Variants in ZNF670 observed in about 807,000 individuals in gnomAD.
ZNF670 encodes the protein zinc finger protein 670.
ZNF670 carries 7 observed loss-of-function variants against 10.9 expected under a neutral mutation model. The ratio of observed to expected loss-of-function variants is 0.64; its 90% CI spans 0.36 to 1.20. The LOEUF is 1.20. ZNF670 is among the 50% of genes most tolerant of loss of function. ZNF670 has a pLI of 0.02. For missense variants in ZNF670, 446 were observed against 458.6 expected, an observed-to-expected ratio of 0.97 and a Z score of 0.25; for synonymous variants, 136 against 152.7, an observed-to-expected ratio of 0.89 and a Z score of 0.81.
intron 1 of ZNF670, among the ~76,000 whole-genome samples, chr1:247,067,665 AC>A (rs1384932595): frequency 3.4e-5 from 5 of 148,804 alleles, no homozygotes; most frequent in Admixed American, 3.3e-4. Context: ...AAACGGTGAA[AC>A]CCCGTCTCTA....
At chr1:247,078,483 G>C (rs948499662) in intron 1 of ZNF670, 111 bp downstream of exon 1, 2 of 1,414,152 alleles carry the variant, frequency 1.4e-6, no homozygotes, top group Non-Finnish European at 1.9e-6. Flanking sequence ...CTAAGGCCGC[G>C]AGGCGCCGGC....
chr1:247,060,382 T>C (rs1383148857), intron 1 of ZNF670, among the ~76,000 whole-genome samples: 2 of 152,214 alleles, frequency 1.3e-5, no homozygotes, highest in Non-Finnish European at 2.9e-5. Context: ...GTCTGGTCTC[T>C]AAAGCAAATG....
chr1:247,037,310 A>G lies in ZNF670; in HGVS notation c.*139T>C. ...GAAGGGAACTAGGAAAATTGCATAC[A>G]TTCTAATCTTCCTTACATGTGTTGG... On this transcript the variant is annotated 3_prime_UTR_variant, in exon 4 of 4. Coordinates refer to ENST00000366503, the MANE Select transcript of ZNF670 (RefSeq NM_033213.5). The G allele has an allele frequency of 3.8e-6, 4 of 1,049,746 alleles. No individual in the cohort carries two copies. The highest frequency in any genetic ancestry group is 2.6e-6 in the Non-Finnish European group (2 of 768,072). The allele number at this position is 1,049,746 out of a possible 1,614,324, so 65.0% of individuals were successfully genotyped here.
Position 247,038,250 on chromosome 1 carries a change from C to CTTCAT in ZNF670, c.368_369insATGAA (p.Ser124Ter). ...CAAATAGTTTGTTTCCAATGTGAGA[C>CTTCAT]AGGATGTGCCTATGAAGGGCTGAAT... On this transcript the variant is annotated stop_gained and frameshift_variant, in exon 4 of 4. Coordinates refer to ENST00000366503, the MANE Select transcript of ZNF670 (RefSeq NM_033213.5). LOFTEE classifies it low-confidence loss of function (END_TRUNC). 1 of 1,614,178 alleles carries CTTCAT rather than the reference C, an allele frequency of 6.2e-7. No homozygotes were observed. The highest frequency in any genetic ancestry group is 8.5e-7 in the Non-Finnish European group (1 of 1,180,014).
intron 1 of ZNF670, among the ~76,000 whole-genome samples, chr1:247,068,339 A>AAAAAAAAAAAAAAAAAAAAAAAATT: frequency 6.9e-6 from 1 of 145,560 alleles, no homozygotes; most frequent in Admixed American, 6.7e-5. Context: ...AAAAAAAAAG[A>AAAAAAAAAAAAAAAAAAAAAAAATT]TGGGCAAAAG....
At chr1:247,076,209 A>G (rs1004985970) in intron 1 of ZNF670, among the ~76,000 whole-genome samples, 9 of 151,802 alleles carry the variant, frequency 5.9e-5, no homozygotes, top group Non-Finnish European at 7.4e-5. Context: ...GAAATACTCA[A>G]TGACCACCCT....
intron 1 of ZNF670, among the ~76,000 whole-genome samples, chr1:247,045,639 CTTTAT>C (rs1274564458): frequency 6.6e-6 from 1 of 152,096 alleles, no homozygotes; most frequent in Non-Finnish European, 1.5e-5. Context: ...TTAGGTATTA[CTTTAT>C]ATCAATGGAA....
At position 247,038,231 on chromosome 1, in the gene ZNF670, G is replaced by GT; in HGVS notation, c.387dup (p.Leu130ThrfsTer3). 6.2e-7 allele frequency: 1 copy of GT among 1,614,144 alleles called. No individual in the cohort carries two copies. Among genetic ancestry groups the GT allele is most frequent in the Admixed American group, 1.7e-5 (1 of 60,014 alleles). Reference sequence around the variant, plus strand: ...TCTGGACATTCCTCACACTCAAATAGTTTGTTTCCAATGTGAGACAGGATG... The same window carrying GT: ...TCTGGACATTCCTCACACTCAAATAGTTTTGTTTCCAATGTGAGACAGGATG... On this transcript the variant is annotated frameshift_variant, in exon 4 of 4. Coordinates refer to ENST00000366503, the MANE Select transcript of ZNF670 (RefSeq NM_033213.5). LOFTEE classifies it low-confidence loss of function (END_TRUNC).
chr1:247,071,485 T>C (rs966013127), intron 1 of ZNF670, among the ~76,000 whole-genome samples: 6 of 152,140 alleles, frequency 3.9e-5, no homozygotes, highest in Admixed American at 6.5e-5. Context: ...ATGGTGAAAA[T>C]AGGGTGAGGG....
chr1:247,056,052 C>G (rs1414094756), intron 1 of ZNF670, among the ~76,000 whole-genome samples: 1 of 151,204 alleles, frequency 6.6e-6, no homozygotes, highest in Admixed American at 6.6e-5. Flanking sequence ...AGAGAGAGAC[C>G]CCAAAACAAT....
chr1:247,043,793 G>T (rs1183491370), intron 1 of ZNF670: 1 of 368,434 alleles, frequency 2.7e-6, no homozygotes, highest in Non-Finnish European at 5.3e-6. Flanking sequence ...AAACTGGATC[G>T]GTTTGATCCA....
chr1:247,037,175 A>G lies in ZNF670; in HGVS notation c.*274T>C, dbSNP rs1670176702. ...TAAAGTATAGACACCTTCTTTAACA[A>G]TGAACCACTGATAAAAATATATTTG... On this transcript the variant is annotated 3_prime_UTR_variant, in exon 4 of 4. Transcript: ENST00000366503. 1 of 343,154 alleles carries G rather than the reference A, an allele frequency of 2.9e-6. No homozygotes were observed. Among genetic ancestry groups the G allele is most frequent in the South Asian group, 6.3e-5 (1 of 15,798 alleles). The allele number at this position is 343,154 out of a possible 1,614,324, so 21.3% of individuals were successfully genotyped here. A position where few individuals can be genotyped will look rare whatever the true frequency, so the allele number is the denominator to read the frequency against.
intron 1 of ZNF670, among the ~76,000 whole-genome samples, chr1:247,056,835 T>TA (rs1670729749): frequency 6.6e-6 from 1 of 152,132 alleles, no homozygotes; most frequent in African/African-American, 2.4e-5. Flanking sequence ...TCTCACCATA[T>TA]AAAAACAAAA....
rs565420750 is a variant in ZNF670, at chr1:247,035,545, C to A, written c.*1904G>T. 5.9e-5 allele frequency among the ~76,000 whole-genome samples: 9 copies of A among 152,248 alleles called. No individual in the cohort carries two copies. In the South Asian group the frequency reaches 1.7e-3, roughly 28 times the overall value. On this transcript the variant is annotated 3_prime_UTR_variant, in exon 4 of 4. Coordinates refer to ENST00000366503, the MANE Select transcript of ZNF670 (RefSeq NM_033213.5). Reference sequence around the variant, plus strand: ...AAGATCAAAATAGTATGTTATAATGCCATAATCCTGTAATATACAATTTAT... The same window carrying A: ...AAGATCAAAATAGTATGTTATAATGACATAATCCTGTAATATACAATTTAT...
At chr1:247,078,462 A>T (rs1671307171) in intron 1 of ZNF670, 132 bp downstream of exon 1, 3 of 1,173,858 alleles carry the variant, frequency 2.6e-6, no homozygotes, top group Non-Finnish European at 3.6e-6. Flanking sequence ...CCAGCCCCGC[A>T]TCCTGTGCCA....
intron 1 of ZNF670, among the ~76,000 whole-genome samples, chr1:247,064,209 A>G (rs1387152862): frequency 1.3e-5 from 2 of 152,230 alleles, no homozygotes; most frequent in African/African-American, 4.8e-5. Flanking sequence ...GTCATAGGGC[A>G]AGAGAAGATG....
Position 247,078,288 on chromosome 1 carries a change from C to A in ZNF670, c.3+306G>T, listed in dbSNP as rs1335879205. On this transcript the variant is annotated intron_variant, in intron 1 of 3. Coordinates refer to ENST00000366503, the MANE Select transcript of ZNF670 (RefSeq NM_033213.5). ...CCACAGCTCCTCCCACGCAGGAACC[C>A]CGAACCCCAAGTCGGGACTCTCCCC... Among the ~76,000 whole-genome samples, 3 of 152,236 alleles carry A rather than the reference C, an allele frequency of 2.0e-5. No homozygotes were observed. In the East Asian group the frequency reaches 5.8e-4, roughly 29 times the overall value.
chr1:247,046,119 G>A (rs187263982), intron 1 of ZNF670, among the ~76,000 whole-genome samples: 1 of 152,252 alleles, frequency 6.6e-6, no homozygotes, highest in East Asian at 1.9e-4. Flanking sequence ...GTTGAAACAT[G>A]ATTAAAAGAG....
Position 247,039,362 on chromosome 1 carries a change from A to AAACACTT in ZNF670, c.130+42_130+48dup, listed in dbSNP as rs767884070. ...AGGTGTGAGCCACCACGCCCAGCCAAAACACTTGCGTTGTAATCAACTACG... is the reference window on the plus strand; with the variant it reads ...AGGTGTGAGCCACCACGCCCAGCCAAAACACTTAACACTTGCGTTGTAATCAACTACG... On this transcript the variant is annotated intron_variant, in intron 2 of 3. Coordinates refer to ENST00000366503, the MANE Select transcript of ZNF670 (RefSeq NM_033213.5). 22 of 1,584,658 alleles carry AAACACTT rather than the reference A, an allele frequency of 1.4e-5. 1 individual carries two copies. In the South Asian group the frequency reaches 2.1e-4, roughly 15 times the overall value.
Sources: allele counts gnomAD v4.1 joint callset (sites outside exome capture counted in the v4.1 genomes callset), GRCh38; gene constraint gnomAD v4.1.1; transcripts MANE v1.5; gene names NCBI Gene and HGNC (gene_info 2026-07-23, HGNC 2026-07-21).